The following ZNF888 variants were observed in gnomAD, a reference collection of about 807,000 sequenced individuals.
ZNF888 encodes the protein CTD-2331H12.6.
A neutral mutation model predicts 7.2 loss-of-function variants in ZNF888; 5 were observed. The ratio of observed to expected loss-of-function variants is 0.70; its 90% confidence interval spans 0.36 to 1.46. The LOEUF is 1.46. Ranked by LOEUF, ZNF888 falls within the 40% of genes most tolerant of loss-of-function variation. ZNF888 has a pLI of 0.03. For synonymous variants in ZNF888, 240 were observed against 284.3 expected (o/e 0.84, Z 1.57); for missense variants, 716 against 858.0 (o/e 0.83, Z 2.07).
At chr19:52,911,505 AT>A (rs2064678319) in intron 4 of ZNF888, among the ~76,000 whole-genome samples, 1 of 151,194 alleles carries the variant, frequency 6.6e-6, no homozygotes, top group Non-Finnish European at 1.5e-5. Flanking sequence ...TGCCCAGCTA[AT>A]TTTTTGTATT....
intron 4 of ZNF888, among the ~76,000 whole-genome samples, chr19:52,908,411 G>A (rs1163119998): frequency 1.3e-5 from 2 of 151,954 alleles, no homozygotes; most frequent in African/African-American, 4.8e-5. Context: ...ACACTGACAG[G>A]GCACAAACAT....
chr19:52,914,407 T>C, intron 4 of ZNF888: 1 of 885,530 alleles, frequency 1.1e-6, no homozygotes, highest in Non-Finnish European at 1.4e-6. Context: ...GGTCAGAGAC[T>C]CCTACTTATA....
chr19:52,906,381 T>G lies in ZNF888; in HGVS notation c.1941A>C (p.Ser647=). Residue 647 remains serine (S), a synonymous_variant, in exon 5 of 5, where the codon TCA becomes TCC. Coordinates refer to ENST00000638862, the MANE Select transcript of ZNF888 (RefSeq NM_001393938.1). Reference sequence around the variant, plus strand: ...GAACTCTCTGATGTTGTGCAAGGTATGAATCACGCCCAAAAGCCTTGTCGC... The same window carrying G: ...GAACTCTCTGATGTTGTGCAAGGTAGGAATCACGCCCAAAAGCCTTGTCGC... ...RVCDKAFGRD[S]YLAQHQRVHT... 6.2e-7 allele frequency: 1 copy of G among 1,613,312 alleles called. No homozygotes were observed. Among genetic ancestry groups the G allele is most frequent in the South Asian group, 1.1e-5 (1 of 91,000 alleles).
intron 1 of ZNF888, among the ~76,000 whole-genome samples, chr19:52,921,413 T>C (rs1380830136): frequency 6.6e-6 from 1 of 152,182 alleles, no homozygotes; most frequent in Non-Finnish European, 1.5e-5. Flanking sequence ...GAAAACATTT[T>C]CACCGAGTTA....
At chr19:52,914,416 T>A in intron 4 of ZNF888, 1 of 927,426 alleles carries the variant, frequency 1.1e-6, no homozygotes. Flanking sequence ...CTCCTACTTA[T>A]AAAAAGAAAG....
intron 3 of ZNF888, among the ~76,000 whole-genome samples, chr19:52,916,700 G>T (rs1005766860): frequency 6.7e-6 from 1 of 150,282 alleles, no homozygotes; most frequent in Non-Finnish European, 1.5e-5. Context: ...ATCTCACCTT[G>T]GCGGAAAAGG....
rs1048248913 is a variant in ZNF888 at position 52,918,204 on chromosome 19, C to T, written c.-58-273G>A. The T allele has an allele frequency of 4.1e-6, 4 of 985,312 alleles. 1 individual carries two copies. The highest frequency in any genetic ancestry group is 3.5e-5 in the African/African-American group (2 of 57,244). 61.0% of individuals were successfully genotyped at this position (985,312 alleles called of 1,614,324 possible). A position where few individuals can be genotyped will look rare whatever the true frequency, so the allele number is the denominator to read the frequency against. On this transcript the variant is annotated intron_variant, in intron 2 of 4. Transcript: ENST00000638862. ...GACCCAGACCTGACCAAACCACTTG[C>T]AGAGGCTGGGTGCGGTGGCTCATGC...
At chr19:52,908,244 T>A in intron 4 of ZNF888, 65 bp from the exon 5 acceptor site, 1 of 1,444,124 alleles carries the variant, frequency 6.9e-7, no homozygotes, top group Non-Finnish European at 9.7e-7. Flanking sequence ...CTGAAACGTG[T>A]AAATATGACA....
At chr19:52,914,985 T>G (rs1324642656) in intron 4 of ZNF888, among the ~76,000 whole-genome samples, 1 of 152,182 alleles carries the variant, frequency 6.6e-6, no homozygotes, top group East Asian at 1.9e-4. Context: ...ATGCCTACTT[T>G]AGTCCTGGAA....
chr19:52,921,654 G>A, intron 1 of ZNF888: 1 of 984,636 alleles, frequency 1.0e-6, no homozygotes, highest in Non-Finnish European at 1.2e-6. Context: ...AAATGCAAAA[G>A]TGTAAACACA....
rs906368044 is a variant in ZNF888, at chr19:52,908,071, C to G, written c.251G>C (p.Cys84Ser). 1.5e-5 allele frequency: 24 copies of G among 1,614,136 alleles called. 1 individual carries two copies. The Middle Eastern group carries it at 9.9e-4, about 67-fold the overall frequency. Residue 84 changes from cysteine (C) to serine (S), a missense_variant, in exon 5 of 5, where the codon TGT (cysteine) becomes TCT (serine). By Grantham distance (112) the Cys-to-Ser change is moderately radical (BLOSUM62 -1). This residue lies in a region of ZNF888 where 697 missense variants were observed against 803.4 expected (regional missense o/e 0.87). Transcript: ENST00000638862. ...QRLASHHIGE[C>S]CFQEIEKDIH... The stretch of plus-strand genomic sequence containing the variant: ...GTCTTTCTCAATTTCCTGGAAGCAA[C>G]ATTCTCCAATGTGATGACTTGCCAG...
intron 4 of ZNF888, among the ~76,000 whole-genome samples, chr19:52,908,574 C>G (rs759808174): frequency 6.6e-6 from 1 of 151,956 alleles, no homozygotes; most frequent in African/African-American, 2.4e-5. Context: ...GCTAAAGGAC[C>G]GGACAATGTA....
chr19:52,910,149 CAAAAAAAAAAAA>C (rs71335690), intron 4 of ZNF888, among the ~76,000 whole-genome samples: 25,029 of 84,078 alleles, frequency 0.3, 2,785 homozygotes, highest in Admixed American at 0.5. Context: ...GACTTCGTCT[CAAAAAAAAAAAA>C]AAAAAAAAAA....
Position 52,906,768 on chromosome 19 carries a change from T to C in ZNF888, c.1554A>G (p.Gly518=). 1 of 1,613,944 alleles carries C rather than the reference T, an allele frequency of 6.2e-7. No homozygotes were observed. Among genetic ancestry groups the C allele is most frequent in the Non-Finnish European group, 8.5e-7 (1 of 1,179,856 alleles). The part of the protein sequence containing the change: ...HLAQHTVIHT[G]EKPYKCNECG... ...ACTCATTACACTTGTAAGGTTTCTC[T>C]CCAGTGTGAATTACAGTATGTTGTG... The change falls in exon 5 of 5, where the codon GGA becomes GGG. Residue 518 remains glycine, a synonymous_variant. Transcript: ENST00000638862.
chr19:52,916,148 A>T (rs184194734), intron 3 of ZNF888, among the ~76,000 whole-genome samples: 338 of 120,388 alleles, frequency 2.8e-3, no homozygotes, highest in African/African-American at 0.01. Flanking sequence ...TCTCAAAATT[A>T]AAAATAAAAA....
At position 52,906,249 on chromosome 19, in the gene ZNF888, C is replaced by A. The variant is rs908961513; in HGVS notation, c.2073G>T (p.Lys691Asn). ...GAAAGGCTTTGCCACACTCACTACA[C>A]TTGAAAGGTTTCTCTCCAGTATGAA... is the stretch of plus-strand genomic sequence containing the variant. ...TRIHTGEKPF[K>N]CSECGKAFRA... is the part of the protein sequence containing the mutation. Residue 691 changes from lysine (K) to asparagine (N), a missense_variant, in exon 5 of 5, where the codon AAG becomes AAT. Coordinates refer to ENST00000638862, the MANE Select transcript of ZNF888 (RefSeq NM_001393938.1). 4 of 1,611,118 alleles carry A rather than the reference C, an allele frequency of 2.5e-6. No individual in the cohort carries two copies.
At chr19:52,920,152 A>G (rs1221675243) in intron 1 of ZNF888, among the ~76,000 whole-genome samples, 1 of 57,706 alleles carries the variant, frequency 1.7e-5, no homozygotes, top group African/African-American at 6.2e-5. Context: ...GGAAGTGAGG[A>G]GCCCCTCTGC....
At position 52,912,330 on chromosome 19, in the gene ZNF888, GCC is replaced by G. The variant is rs1568744390; in HGVS notation, c.142+2864_142+2865del. ...GGGTTTCACCATGTTAGCCAGGATG[GCC>G]TCTATCTCCTGACCTCGTGATCCGC... On this transcript the variant is annotated intron_variant, in intron 4 of 4. Coordinates refer to ENST00000638862, the MANE Select transcript of ZNF888 (RefSeq NM_001393938.1). Among the ~76,000 whole-genome samples the G allele has an allele frequency of 1.1e-4, 16 of 149,024 alleles. 1 individual carries two copies. The highest frequency in any genetic ancestry group is 6.4e-4 in the South Asian group (3 of 4,708).
intron 1 of ZNF888, among the ~76,000 whole-genome samples, chr19:52,919,500 G>A (rs370544542): frequency 1.4e-5 from 1 of 70,428 alleles, no homozygotes; most frequent in East Asian, 3.1e-4. Context: ...CGTGATCTCC[G>A]CTCGCTACAA....
Sources: gnomAD v4.1 joint callset for allele counts (sites outside exome capture counted in the v4.1 genomes callset) on GRCh38, gnomAD v4.1.1 for gene constraint, gnomAD v4.1.1 regional missense constraint, MANE v1.5 for transcripts, NCBI Gene and HGNC (gene_info 2026-07-23, HGNC 2026-07-21) for gene names.